SLC44A1: variants seen among roughly 807,000 people sequenced by gnomAD.
SLC44A1 encodes choline transporter-like protein 1.
SLC44A1 carries 26 observed loss-of-function variants against 79.3 expected under a neutral mutation model. That is an observed-to-expected ratio of 0.33 (90% CI 0.24 to 0.46). The LOEUF is 0.46. SLC44A1 is among the 20% of genes least tolerant of loss of function. The probability of loss-of-function intolerance (pLI) is 1.00; values close to 1 mark genes in which losing one functional copy is unlikely to be tolerated. For missense variants in SLC44A1, 688 were observed against 798.1 expected, an observed-to-expected ratio of 0.86 and a Z score of 1.66; for synonymous variants, 263 against 286.2, an observed-to-expected ratio of 0.92 and a Z score of 0.82.
chr9:105,336,397 A>G (rs1343608019), intron 4 of SLC44A1, among the ~76,000 whole-genome samples: 1 of 152,180 alleles, frequency 6.6e-6, no homozygotes, highest in East Asian at 1.9e-4. Flanking sequence ...AAACTAACAT[A>G]GTTTCCTGAA....
intron 15 of SLC44A1, among the ~76,000 whole-genome samples, chr9:105,420,836 G>A (rs1449182556): frequency 7.0e-6 from 1 of 142,144 alleles, no homozygotes; most frequent in East Asian, 2.0e-4. Context: ...ACTCCAGCCT[G>A]GGCAACAAGA....
chr9:105,386,322 AT>A lies in SLC44A1; in HGVS notation c.1950+827del, dbSNP rs994135418. 6.4e-6 allele frequency: 6 copies of A among 937,890 alleles called. No homozygotes were observed. In the African/African-American group the frequency reaches 8.9e-5, roughly 14 times the overall value. The allele number at this position is 937,890 out of a possible 1,614,324, so 58.1% of individuals were successfully genotyped here. A position where few individuals can be genotyped will look rare whatever the true frequency, so the allele number is the denominator to read the frequency against. ...TAATTACTTCCTAATTTAAACACGT[AT>A]TTTTTTAAATAGCATGTTTATTTTC... On this transcript the variant is annotated intron_variant, in intron 15 of 15. Coordinates refer to ENST00000374720, the MANE Select transcript of SLC44A1 (RefSeq NM_080546.5).
intron 2 of SLC44A1, among the ~76,000 whole-genome samples, chr9:105,306,486 G>A (rs542303987): frequency 1.3e-5 from 2 of 151,752 alleles, no homozygotes; most frequent in African/African-American, 2.4e-5. Context: ...TGCTTGTACC[G>A]TGTGAGAAGT....
At chr9:105,308,467 G>A (rs568434142) in intron 2 of SLC44A1, among the ~76,000 whole-genome samples, 12 of 152,278 alleles carry the variant, frequency 7.9e-5, no homozygotes, top group South Asian at 2.1e-4. Context: ...ACTTTTTTAC[G>A]AAGTATAGCT....
intron 1 of SLC44A1, among the ~76,000 whole-genome samples, chr9:105,289,928 C>T (rs1393447260): frequency 6.6e-6 from 1 of 151,942 alleles, no homozygotes; most frequent in Non-Finnish European, 1.5e-5. Flanking sequence ...ATTCTCCTGC[C>T]TCAGCCTCTT....
At position 105,244,791 on chromosome 9, in the gene SLC44A1, C is replaced by A; in HGVS notation, c.-78C>A. ...TGCCAGGCCGCGCCCTCCCCGGGCG[C>A]CCGCCGGCTCGCATGCCGAGGGGCT... On this transcript the variant is annotated 5_prime_UTR_variant, in exon 1 of 16. Coordinates refer to ENST00000374720, the MANE Select transcript of SLC44A1 (RefSeq NM_080546.5). 1 of 935,814 alleles carries A rather than the reference C, an allele frequency of 1.1e-6. No individual in the cohort carries two copies. The highest frequency in any genetic ancestry group is 1.3e-6 in the Non-Finnish European group (1 of 748,284). The allele number at this position is 935,814 out of a possible 1,614,324, so 58.0% of individuals were successfully genotyped here.
intron 15 of SLC44A1, among the ~76,000 whole-genome samples, chr9:105,428,316 A>G (rs1208980386): frequency 6.6e-6 from 1 of 152,130 alleles, no homozygotes; most frequent in Non-Finnish European, 1.5e-5. Flanking sequence ...TTTTATACTT[A>G]TTAATAGCTA....
chr9:105,314,167 TAGTG>T (rs1307410894), intron 3 of SLC44A1, among the ~76,000 whole-genome samples: 1 of 152,132 alleles, frequency 6.6e-6, no homozygotes, highest in East Asian at 1.9e-4. Flanking sequence ...ATGCCTGAAT[TAGTG>T]AGTGTGTGGA....
chr9:105,319,476 G>C lies in SLC44A1; in HGVS notation c.269+9610G>C, dbSNP rs540014820. Among the ~76,000 whole-genome samples, 49 of 152,264 alleles carry C rather than the reference G, an allele frequency of 3.2e-4. 1 individual carries two copies. In the South Asian group the frequency reaches 0.01, roughly 32 times the overall value. ...ACCAAAGAAGCTCACCTAAGCCTCA[G>C]TGTTCATAATTTTTGTTGGGACTCC... On this transcript the variant is annotated intron_variant, in intron 3 of 15. Transcript: ENST00000374720.
intron 4 of SLC44A1, among the ~76,000 whole-genome samples, chr9:105,344,412 G>T (rs185450090): frequency 2.0e-5 from 3 of 152,168 alleles, no homozygotes; most frequent in South Asian, 2.1e-4. Flanking sequence ...GAGAGCTTAG[G>T]GGGAGGCTAC....
chr9:105,435,661 C>T (rs538214960), intron 15 of SLC44A1, among the ~76,000 whole-genome samples: 1 of 152,090 alleles, frequency 6.6e-6, no homozygotes, highest in African/African-American at 2.4e-5. Flanking sequence ...CTTTGTGACT[C>T]CAGGAGGCCT....
At chr9:105,245,026 T>C (rs1829395752) in intron 1 of SLC44A1, 122 bp downstream of exon 1, 1 of 278,230 alleles carries the variant, frequency 3.6e-6, no homozygotes, top group Non-Finnish European at 5.8e-6. Context: ...CACCGTGCAG[T>C]CCAAAGACCC....
At chr9:105,407,383 A>G (rs1158501927) in intron 15 of SLC44A1, among the ~76,000 whole-genome samples, 1 of 152,254 alleles carries the variant, frequency 6.6e-6, no homozygotes, top group Non-Finnish European at 1.5e-5. Context: ...GATTATAACC[A>G]AATTGTTGAC....
At chr9:105,377,373 A>G (rs1277294397) in intron 13 of SLC44A1, among the ~76,000 whole-genome samples, 1 of 152,222 alleles carries the variant, frequency 6.6e-6, no homozygotes, top group Non-Finnish European at 1.5e-5. Flanking sequence ...TATTGAAAAT[A>G]TAGATAATTC....
intron 1 of SLC44A1, among the ~76,000 whole-genome samples, chr9:105,283,308 G>C (rs1273081072): frequency 1.3e-5 from 2 of 152,124 alleles, no homozygotes; most frequent in Non-Finnish European, 2.9e-5. Context: ...CTCTGGAAAC[G>C]GTCTAAATTG....
chr9:105,307,013 C>T (rs1017147993), intron 2 of SLC44A1, among the ~76,000 whole-genome samples: 1 of 152,110 alleles, frequency 6.6e-6, no homozygotes, highest in Non-Finnish European at 1.5e-5. Context: ...AAATAGAGAA[C>T]CAAAGGGGTT....
chr9:105,257,649 A>G (rs1339028693), intron 1 of SLC44A1, among the ~76,000 whole-genome samples: 1 of 152,158 alleles, frequency 6.6e-6, no homozygotes, highest in Non-Finnish European at 1.5e-5. Flanking sequence ...AGGAAAGAAT[A>G]GTTGGGGAGT....
intron 15 of SLC44A1, among the ~76,000 whole-genome samples, chr9:105,388,007 G>A (rs1370792823): frequency 6.6e-6 from 1 of 152,102 alleles, no homozygotes; most frequent in African/African-American, 2.4e-5. Context: ...ATTTTATGCT[G>A]TTCATCAGTT....
chr9:105,396,619 C>T lies in SLC44A1; in HGVS notation c.*7563C>T. ...AGCCCAGCATATGGGGTGATATGAG[C>T]AGAAAACACACATCGGTGTGTCTTG... On this transcript the variant is annotated 3_prime_UTR_variant, in exon 16 of 16. Coordinates refer to ENST00000374720, the MANE Select transcript of SLC44A1 (RefSeq NM_080546.5). 1 of 985,364 alleles carries T rather than the reference C, an allele frequency of 1.0e-6. No individual in the cohort carries two copies. Among genetic ancestry groups the T allele is most frequent in the Non-Finnish European group, 1.2e-6 (1 of 829,916 alleles). 61.0% of individuals were successfully genotyped at this position (985,364 alleles called of 1,614,324 possible). A position where few individuals can be genotyped will look rare whatever the true frequency, so the allele number is the denominator to read the frequency against.
Sources: gnomAD v4.1 joint callset for allele counts (sites outside exome capture counted in the v4.1 genomes callset) on GRCh38, gnomAD v4.1.1 for gene constraint, MANE v1.5 for transcripts, NCBI Gene and HGNC (gene_info 2026-07-23, HGNC 2026-07-21) for gene names.